LSAMP: variants seen among roughly 807,000 people sequenced by gnomAD.
LSAMP encodes the protein limbic system-associated membrane protein.
Under a neutral mutation model 38.6 loss-of-function variants are expected in LSAMP, and 7 were observed. That is an observed-to-expected ratio of 0.18 (90% CI 0.10 to 0.34). The LOEUF is 0.34. Ranked by LOEUF, LSAMP falls within the 10% of genes least tolerant of loss-of-function variation. The pLI is 1.00. For synonymous variants in LSAMP, 154 were observed against 166.8 expected (o/e 0.92, Z 0.59); for missense variants, 313 against 420.0 (o/e 0.75, Z 2.23).
intron 3 of LSAMP, among the ~76,000 whole-genome samples, chr3:116,014,775 G>A (rs370155569): frequency 3.3e-4 from 50 of 152,206 alleles, no homozygotes; most frequent in African/African-American, 8.7e-4. Flanking sequence ...TTGAAGGACC[G>A]GATGTTACTT....
intron 1 of LSAMP, among the ~76,000 whole-genome samples, chr3:116,317,379 G>A (rs948487510): frequency 1.4e-5 from 2 of 147,336 alleles, no homozygotes; most frequent in Admixed American, 1.4e-4. Flanking sequence ...TTTTTGAGAC[G>A]GAGTCTCGCT....
intron 1 of LSAMP, among the ~76,000 whole-genome samples, chr3:116,371,049 G>A (rs145048712): frequency 6.6e-6 from 1 of 152,246 alleles, no homozygotes; most frequent in East Asian, 1.9e-4. Context: ...GCAGTAAAGA[G>A]ATTGGATCAT....
intron 3 of LSAMP, among the ~76,000 whole-genome samples, chr3:115,921,859 C>A (rs1166684718): frequency 6.6e-6 from 1 of 151,996 alleles, no homozygotes; most frequent in Non-Finnish European, 1.5e-5. Context: ...TCTGTTAGTA[C>A]TTCACATAGG....
chr3:116,427,399 C>A (rs1029395717), intron 1 of LSAMP, among the ~76,000 whole-genome samples: 2 of 152,012 alleles, frequency 1.3e-5, no homozygotes, highest in African/African-American at 2.4e-5. Flanking sequence ...GGATTACAGG[C>A]GTGAGCCACC....
chr3:116,133,513 A>G (rs1709180892), intron 1 of LSAMP, among the ~76,000 whole-genome samples: 1 of 151,940 alleles, frequency 6.6e-6, no homozygotes, highest in Non-Finnish European at 1.5e-5. Flanking sequence ...GAGTCTCCCT[A>G]TGTTGCCTAG....
At chr3:116,285,372 T>G (rs573857510) in intron 1 of LSAMP, among the ~76,000 whole-genome samples, 20 of 152,228 alleles carry the variant, frequency 1.3e-4, no homozygotes, top group Non-Finnish European at 2.4e-4. Context: ...CTTATAGATA[T>G]ATGGGTGAGT....
At chr3:116,267,125 T>C (rs1336108333) in intron 1 of LSAMP, among the ~76,000 whole-genome samples, 1 of 152,118 alleles carries the variant, frequency 6.6e-6, no homozygotes. Flanking sequence ...TCCCACTGTA[T>C]ACACTGAGCT....
rs148322131 is a variant in LSAMP at position 115,841,936 on chromosome 3, C to A, written c.828G>T (p.Thr276=). ...AGTGCTCCTCAGTGACGTTGGTCAC[C>A]GTCAGGGAAGACTGGCCCTCCGTGC... ...IKSTEGQSSL[T]VTNVTEEHYG... is the part of the protein sequence containing the mutation. The change falls in exon 6 of 7, where the codon ACG becomes ACT. Residue 276 remains threonine, a synonymous_variant. Transcript: ENST00000490035. 6.2e-7 allele frequency: 1 copy of A among 1,613,738 alleles called. No homozygotes were observed. Among genetic ancestry groups the A allele is most frequent in the African/African-American group, 1.3e-5 (1 of 74,912 alleles).
At chr3:116,323,379 G>A (rs192220050) in intron 1 of LSAMP, among the ~76,000 whole-genome samples, 1 of 152,090 alleles carries the variant, frequency 6.6e-6, no homozygotes, top group East Asian at 1.9e-4. Context: ...ATCAAGTCAT[G>A]GGTTCTTTGC....
intron 3 of LSAMP, among the ~76,000 whole-genome samples, chr3:115,945,944 A>G (rs141780180): frequency 4.6e-5 from 7 of 152,306 alleles, no homozygotes; most frequent in African/African-American, 1.2e-4. Flanking sequence ...TTTAAATACA[A>G]TAAGAGTTTG....
intron 1 of LSAMP, among the ~76,000 whole-genome samples, chr3:116,097,212 T>C (rs533263594): frequency 3.7e-4 from 56 of 152,294 alleles, no homozygotes; most frequent in African/African-American, 1.3e-3. Flanking sequence ...TGCTAAGTTC[T>C]AGATGGAAAA....
intron 1 of LSAMP, among the ~76,000 whole-genome samples, chr3:116,091,158 G>C (rs1032595582): frequency 2.0e-4 from 30 of 152,296 alleles, no homozygotes; most frequent in Middle Eastern, 3.4e-3. Flanking sequence ...GTTCCATGCT[G>C]AGAAAAAGAA....
At chr3:116,351,744 C>T (rs1475230919) in intron 1 of LSAMP, among the ~76,000 whole-genome samples, 1 of 152,126 alleles carries the variant, frequency 6.6e-6, no homozygotes, top group Non-Finnish European at 1.5e-5. Context: ...CTTTTGCTAT[C>T]CAGTATCATT....
At chr3:116,419,324 T>C (rs1380384297) in intron 1 of LSAMP, among the ~76,000 whole-genome samples, 1 of 152,230 alleles carries the variant, frequency 6.6e-6, no homozygotes, top group Non-Finnish European at 1.5e-5. Flanking sequence ...AAAAGTGACA[T>C]CTTTTTTTAA....
chr3:115,999,389 C>T (rs1244645203), intron 3 of LSAMP, among the ~76,000 whole-genome samples: 1 of 152,182 alleles, frequency 6.6e-6, no homozygotes, highest in East Asian at 1.9e-4. Flanking sequence ...TTGTCAAATT[C>T]TCTTCTCCTC....
chr3:115,811,556 A>T (rs1933832466), intron 6 of LSAMP, among the ~76,000 whole-genome samples: 1 of 135,434 alleles, frequency 7.4e-6, no homozygotes, highest in South Asian at 2.2e-4. Flanking sequence ...CAGATGGATT[A>T]TGTGTGAGTG....
intron 1 of LSAMP, among the ~76,000 whole-genome samples, chr3:116,355,737 A>G (rs891829945): frequency 6.6e-6 from 1 of 152,208 alleles, no homozygotes; most frequent in Admixed American, 6.5e-5. Flanking sequence ...ATAACTCTAC[A>G]GGAAAAAATC....
At chr3:115,826,100 C>T (rs1213125909) in intron 6 of LSAMP, among the ~76,000 whole-genome samples, 5 of 149,134 alleles carry the variant, frequency 3.4e-5, no homozygotes, top group African/African-American at 1.3e-4. Flanking sequence ...CTCTTTCTGT[C>T]TTTTATTTTT....
intron 1 of LSAMP, among the ~76,000 whole-genome samples, chr3:116,254,536 G>T (rs971552828): frequency 1.3e-5 from 2 of 152,154 alleles, no homozygotes; most frequent in African/African-American, 4.8e-5. Flanking sequence ...CACCATATCT[G>T]CCTCTCATGA....
Sources: gnomAD v4.1 joint callset for allele counts (sites outside exome capture counted in the v4.1 genomes callset) on GRCh38, gnomAD v4.1.1 for gene constraint, MANE v1.5 for transcripts, NCBI Gene and HGNC (gene_info 2026-07-23, HGNC 2026-07-21) for gene names.